ESRRG: variants seen among roughly 807,000 people sequenced by gnomAD.
ESRRG encodes the protein estrogen-related receptor gamma.
A neutral mutation model predicts 44.0 loss-of-function variants in ESRRG; 13 were observed. That is an observed-to-expected ratio of 0.30 (90% CI 0.19 to 0.47). The LOEUF is 0.47. ESRRG is among the 20% of genes least tolerant of loss of function. The pLI is 1.00. For missense variants in ESRRG, 395 were observed against 580.6 expected (o/e 0.68, Z 3.29); for synonymous variants, 215 against 214.6 (o/e 1.00, Z -0.02).
intron 3 of ESRRG, among the ~76,000 whole-genome samples, chr1:216,638,538 C>G: frequency 6.6e-6 from 1 of 152,114 alleles, no homozygotes; most frequent in Admixed American, 6.6e-5. Flanking sequence ...AGTCTATGCT[C>G]TTAATCTTTA....
At chr1:216,705,091 G>A (rs779712447) in intron 1 of ESRRG, among the ~76,000 whole-genome samples, 3 of 152,034 alleles carry the variant, frequency 2.0e-5, no homozygotes, top group Non-Finnish European at 4.4e-5. Flanking sequence ...TTTGACTCTA[G>A]TTTACAATCG....
At chr1:217,102,046 T>TC (rs1467730792) in intron 1 of ESRRG, among the ~76,000 whole-genome samples, 1 of 152,070 alleles carries the variant, frequency 6.6e-6, no homozygotes, top group Admixed American at 6.6e-5. Context: ...CCTCAGGTGA[T>TC]CCCCCCGCTT....
intron 5 of ESRRG, among the ~76,000 whole-genome samples, chr1:216,553,507 G>T (rs986736342): frequency 1.3e-5 from 2 of 152,120 alleles, no homozygotes; most frequent in African/African-American, 4.8e-5. Context: ...ATTTGTGGTT[G>T]CCAGAATAAT....
intron 1 of ESRRG, among the ~76,000 whole-genome samples, chr1:217,047,829 G>A (rs2085167012): frequency 6.6e-6 from 1 of 152,180 alleles, no homozygotes; most frequent in African/African-American, 2.4e-5. Flanking sequence ...CCATAGTTAA[G>A]TGCTTTGGCT....
At chr1:216,668,379 A>T (rs898926526) in intron 2 of ESRRG, among the ~76,000 whole-genome samples, 28 of 152,248 alleles carry the variant, frequency 1.8e-4, no homozygotes, top group Non-Finnish European at 2.8e-4. Context: ...ACAGGAAAAT[A>T]TACCCTACAA....
intron 1 of ESRRG, among the ~76,000 whole-genome samples, chr1:216,698,685 A>T (rs150564551): frequency 4.3e-4 from 66 of 152,244 alleles, no homozygotes; most frequent in Non-Finnish European, 6.9e-4. Flanking sequence ...AAAAAACAAT[A>T]TGATGGTTTC....
At chr1:216,914,693 C>A (rs1398760289) in intron 2 of ESRRG, among the ~76,000 whole-genome samples, 2 of 152,178 alleles carry the variant, frequency 1.3e-5, no homozygotes, top group Non-Finnish European at 1.5e-5. Flanking sequence ...AAGCCAGTAG[C>A]GTACCTGATG....
chr1:216,588,404 T>C (rs1409187970), intron 3 of ESRRG, among the ~76,000 whole-genome samples: 4 of 152,218 alleles, frequency 2.6e-5, no homozygotes, highest in African/African-American at 9.6e-5. Flanking sequence ...CTGTTTTTAT[T>C]AATAAATTTA....
intron 3 of ESRRG, among the ~76,000 whole-genome samples, chr1:216,618,132 A>T (rs1404564957): frequency 2.0e-5 from 3 of 152,264 alleles, no homozygotes; most frequent in African/African-American, 7.2e-5. Context: ...GAATAAAGAC[A>T]GTTTAGCAAA....
chr1:216,578,724 C>A (rs1017046625), intron 3 of ESRRG, among the ~76,000 whole-genome samples: 2 of 152,058 alleles, frequency 1.3e-5, no homozygotes, highest in Non-Finnish European at 2.9e-5. Context: ...AAAGAAAAAA[C>A]AGCAGAGATT....
chr1:216,974,349 C>A (rs920453627), intron 1 of ESRRG, among the ~76,000 whole-genome samples: 2 of 152,082 alleles, frequency 1.3e-5, no homozygotes, highest in Non-Finnish European at 2.9e-5. Context: ...AAAATACATG[C>A]AACTATTATA....
intron 1 of ESRRG, among the ~76,000 whole-genome samples, chr1:216,720,480 G>C (rs942482625): frequency 6.6e-6 from 1 of 152,200 alleles, no homozygotes; most frequent in East Asian, 1.9e-4. Flanking sequence ...TCTGTTCAGA[G>C]TTCTCAAATA....
At chr1:216,821,338 T>A (rs963261342) in intron 2 of ESRRG, among the ~76,000 whole-genome samples, 1 of 152,112 alleles carries the variant, frequency 6.6e-6, no homozygotes, top group Non-Finnish European at 1.5e-5. Flanking sequence ...CCCATCCCAC[T>A]GAACCATTTG....
chr1:217,043,324 C>T (rs941034211), intron 1 of ESRRG, among the ~76,000 whole-genome samples: 18 of 152,252 alleles, frequency 1.2e-4, no homozygotes, highest in African/African-American at 4.1e-4. Context: ...AAGCTGGGTT[C>T]AGTTACAAAG....
At chr1:217,057,629 CA>C (rs1290122270) in intron 1 of ESRRG, among the ~76,000 whole-genome samples, 1 of 151,658 alleles carries the variant, frequency 6.6e-6, no homozygotes, top group East Asian at 1.9e-4. Flanking sequence ...AAAAAATAAA[CA>C]GAACAGATAA....
intron 1 of ESRRG, among the ~76,000 whole-genome samples, chr1:217,135,570 C>A (rs562151014): frequency 6.6e-6 from 1 of 151,448 alleles, no homozygotes; most frequent in Non-Finnish European, 1.5e-5. Flanking sequence ...GGCGGCAGGG[C>A]GGCTGCACCT....
chr1:216,940,394 A>G (rs912447746), intron 1 of ESRRG, among the ~76,000 whole-genome samples: 3 of 152,182 alleles, frequency 2.0e-5, no homozygotes, highest in African/African-American at 7.2e-5. Context: ...TCTTTACTAA[A>G]ATATAAAAAG....
chr1:216,604,965 C>A (rs543348941), intron 3 of ESRRG, among the ~76,000 whole-genome samples: 2 of 152,102 alleles, frequency 1.3e-5, no homozygotes, highest in African/African-American at 4.8e-5. Flanking sequence ...TTCTTTGGCT[C>A]ATTACCAGAT....
In ESRRG at chr1:216,877,132, C is replaced by T. The variant is rs115181724; in HGVS notation, c.-14+62450G>A. 9.6e-3 allele frequency among the ~76,000 whole-genome samples: 1,467 copies of T among 152,072 alleles called. 22 individuals carry two copies. Among genetic ancestry groups the T allele is most frequent in the African/African-American group, 0.034 (1,397 of 41,484 alleles). ...ACATGTTAATACTCTGTTCAGATCC[C>T]CCAATTGTACTCATCATGTTTCATT... is the stretch of plus-strand genomic sequence containing the variant. On this transcript the variant is annotated intron_variant, in intron 2 of 7. Coordinates refer to the ESRRG transcript ENST00000359162.
Sources: allele counts gnomAD v4.1 joint callset (sites outside exome capture counted in the v4.1 genomes callset), GRCh38; gene constraint gnomAD v4.1.1; transcripts MANE v1.5; gene names NCBI Gene and HGNC (gene_info 2026-07-23, HGNC 2026-07-21).